The following RCAN2 variants were observed in gnomAD, a reference collection of about 807,000 sequenced individuals.
RCAN2 encodes the protein regulator of calcineurin 2, also known as calcipressin-2.
RCAN2 carries 9 observed loss-of-function variants against 23.6 expected under a neutral mutation model. The observed-to-expected ratio is 0.38, with a 90% CI of 0.23 to 0.67. The LOEUF is 0.67. Ranked by LOEUF, RCAN2 falls within the 30% of genes least tolerant of loss-of-function variation. The pLI is 0.51. For synonymous variants in RCAN2, 109 were observed against 115.7 expected (o/e 0.94, Z 0.37); for missense variants, 273 against 302.3 (o/e 0.90, Z 0.72).
chr6:46,334,057 A>G (rs1030364636), intron 2 of RCAN2, among the ~76,000 whole-genome samples: 2 of 152,220 alleles, frequency 1.3e-5, no homozygotes, highest in African/African-American at 2.4e-5. Flanking sequence ...CCCTCTGTCT[A>G]GAACACTATT....
chr6:46,325,952 T>C, intron 2 of RCAN2: 1 of 865,710 alleles, frequency 1.2e-6, no homozygotes, highest in Non-Finnish European at 1.4e-6. Flanking sequence ...GGTGTAATTC[T>C]GCAGATGAGC....
chr6:46,316,263 C>T (rs1763434519), intron 2 of RCAN2, among the ~76,000 whole-genome samples: 1 of 152,162 alleles, frequency 6.6e-6, no homozygotes, highest in Admixed American at 6.5e-5. Context: ...TTCTGTCTGC[C>T]AGTCATTATG....
intron 2 of RCAN2, among the ~76,000 whole-genome samples, chr6:46,449,845 T>G (rs1767824521): frequency 6.6e-6 from 1 of 151,896 alleles, no homozygotes; most frequent in Non-Finnish European, 1.5e-5. Flanking sequence ...TAGACTTACA[T>G]AAGACTTAAA....
chr6:46,243,201 G>T (rs1489414718), intron 4 of RCAN2, among the ~76,000 whole-genome samples: 1 of 152,092 alleles, frequency 6.6e-6, no homozygotes, highest in Non-Finnish European at 1.5e-5. Flanking sequence ...TTAATTTAAC[G>T]TCTGATATTT....
intron 2 of RCAN2, among the ~76,000 whole-genome samples, chr6:46,278,355 A>T (rs1269358821): frequency 6.6e-6 from 1 of 151,908 alleles, no homozygotes; most frequent in Admixed American, 6.6e-5. Context: ...CATTTTCTTT[A>T]TCCTTTTGTC....
intron 4 of RCAN2, among the ~76,000 whole-genome samples, chr6:46,225,836 T>A (rs1765646068): frequency 6.6e-6 from 1 of 152,364 alleles, no homozygotes; most frequent in Non-Finnish European, 1.5e-5. Context: ...TTGCTTCTGG[T>A]GTTTCAGTCA....
chr6:46,435,636 T>C (rs1767343001), intron 2 of RCAN2, among the ~76,000 whole-genome samples: 1 of 152,240 alleles, frequency 6.6e-6, no homozygotes, highest in South Asian at 2.1e-4. Flanking sequence ...TTCAGTAGAC[T>C]TTTGTTTCCT....
At chr6:46,229,887 G>T (rs1765818254) in intron 4 of RCAN2, among the ~76,000 whole-genome samples, 2 of 152,150 alleles carry the variant, frequency 1.3e-5, no homozygotes, top group African/African-American at 4.8e-5. Flanking sequence ...TTCTGCTCTG[G>T]TTTCTCCCCA....
chr6:46,288,903 A>G (rs1404328421), intron 2 of RCAN2, among the ~76,000 whole-genome samples: 1 of 152,278 alleles, frequency 6.6e-6, no homozygotes. Context: ...AGCAAACTCA[A>G]TAAATAAGTA....
At position 46,475,421 on chromosome 6, in the gene RCAN2, C is replaced by T. The variant is rs1768687975; in HGVS notation, c.-3+15752G>A. Among the ~76,000 whole-genome samples the T allele has an allele frequency of 2.6e-5, 4 of 152,084 alleles. No homozygotes were observed. The South Asian group carries it at 8.3e-4, about 31-fold the overall frequency. On this transcript the variant is annotated intron_variant, in intron 1 of 4. Coordinates refer to ENST00000371374, the MANE Select transcript of RCAN2 (RefSeq NM_001251974.2). ...AAAGCAGGGAGGAGGGAGGTAAGTG[C>T]TTATTGTAGAAATGAGATATGAGCA...
At chr6:46,275,502 T>C (rs376802456) in intron 2 of RCAN2, among the ~76,000 whole-genome samples, 6 of 152,204 alleles carry the variant, frequency 3.9e-5, no homozygotes, top group African/African-American at 1.4e-4. Context: ...AGACCTCCTC[T>C]AAGCCACTCA....
chr6:46,377,053 G>GA (rs1267670123), intron 2 of RCAN2, among the ~76,000 whole-genome samples: 1 of 152,006 alleles, frequency 6.6e-6, no homozygotes, highest in African/African-American at 2.4e-5. Context: ...ATTTCATGAG[G>GA]AAAAAAAGGC....
chr6:46,271,537 T>C (rs1037722184), intron 2 of RCAN2, among the ~76,000 whole-genome samples: 1 of 152,136 alleles, frequency 6.6e-6, no homozygotes, highest in African/African-American at 2.4e-5. Flanking sequence ...ATTAACCATC[T>C]CAGCTACCCA....
At chr6:46,320,180 T>C (rs10948288) in intron 2 of RCAN2, among the ~76,000 whole-genome samples, 103,688 of 152,134 alleles carry the variant, frequency 0.68, 38,137 homozygotes, top group Non-Finnish European at 0.83. Context: ...TCATGATTGG[T>C]TGTGCCCAGA....
At chr6:46,484,740 C>G (rs539389229) in intron 1 of RCAN2, among the ~76,000 whole-genome samples, 1 of 152,342 alleles carries the variant, frequency 6.6e-6, no homozygotes, top group East Asian at 1.9e-4. Context: ...AGAAGCCATC[C>G]ACAGAAATCA....
intron 2 of RCAN2, among the ~76,000 whole-genome samples, chr6:46,265,479 A>C (rs915029411): frequency 6.6e-6 from 1 of 152,210 alleles, no homozygotes; most frequent in Non-Finnish European, 1.5e-5. Context: ...GATAGTGTCC[A>C]CTATAATTAG....
intron 1 of RCAN2, among the ~76,000 whole-genome samples, chr6:46,473,692 T>C (rs1249898588): frequency 6.6e-6 from 1 of 152,180 alleles, no homozygotes; most frequent in Non-Finnish European, 1.5e-5. Context: ...CTGATAATTA[T>C]TAGATAAATC....
chr6:46,248,268 A>G (rs1235926607), intron 3 of RCAN2, among the ~76,000 whole-genome samples: 3 of 152,256 alleles, frequency 2.0e-5, no homozygotes, highest in African/African-American at 4.8e-5. Flanking sequence ...TGAATCATTG[A>G]AAAGTTATAC....
chr6:46,423,600 T>C (rs945454840), intron 2 of RCAN2, among the ~76,000 whole-genome samples: 1 of 152,260 alleles, frequency 6.6e-6, no homozygotes, highest in African/African-American at 2.4e-5. Context: ...TTTTTAAATC[T>C]ACTTGTATAA....
Sources: allele counts gnomAD v4.1 joint callset (sites outside exome capture counted in the v4.1 genomes callset), GRCh38; gene constraint gnomAD v4.1.1; transcripts MANE v1.5; gene names NCBI Gene and HGNC (gene_info 2026-07-23, HGNC 2026-07-21).